Variants in ARHGAP24 observed in about 807,000 individuals in gnomAD.
ARHGAP24 encodes Rho GTPase activating protein 24, also known as rho GTPase-activating protein 24.
A neutral mutation model predicts 76.4 loss-of-function variants in ARHGAP24; 50 were observed. That is an observed-to-expected ratio of 0.65 (90% CI 0.52 to 0.83). ARHGAP24 has a LOEUF of 0.83. Among genes scored for constraint, ARHGAP24 ranks in the 40% least tolerant of loss-of-function variants. ARHGAP24 has a pLI of 0.00. For missense variants in ARHGAP24, 930 were observed against 914.2 expected, an observed-to-expected ratio of 1.02 and a Z score of -0.22; for synonymous variants, 345 against 323.3, an observed-to-expected ratio of 1.07 and a Z score of -0.72.
chr4:85,487,515 C>G (rs866118347), intron 1 of ARHGAP24, among the ~76,000 whole-genome samples: 1 of 100,722 alleles, frequency 9.9e-6, no homozygotes, highest in South Asian at 3.1e-4. Flanking sequence ...ATTATATAAA[C>G]ATATATTTAT....
chr4:85,974,647 A>C (rs537542236), intron 6 of ARHGAP24, among the ~76,000 whole-genome samples: 1 of 152,338 alleles, frequency 6.6e-6, no homozygotes, highest in South Asian at 2.1e-4. Context: ...TAAAAATGAT[A>C]ACAGCTTCAC....
At chr4:85,917,090 G>A (rs916722286) in intron 3 of ARHGAP24, among the ~76,000 whole-genome samples, 2 of 151,818 alleles carry the variant, frequency 1.3e-5, no homozygotes, top group Non-Finnish European at 2.9e-5. Flanking sequence ...AGTCCCCAAA[G>A]TGTGATGTTC....
In ARHGAP24 at chr4:85,733,060, C is replaced by CTTTTTTTTTTTTTTT. The variant is rs1210109366; in HGVS notation, c.268+11095_268+11109dup. 3.7e-3 allele frequency among the ~76,000 whole-genome samples: 205 copies of CTTTTTTTTTTTTTTT among 55,214 alleles called. 67 individuals are homozygous for CTTTTTTTTTTTTTTT. The highest frequency in any genetic ancestry group is 7.3e-3 in the African/African-American group (114 of 15,670). The allele number at this position is 55,214 out of a possible 152,430, so 36.2% of individuals were successfully genotyped here. A position where few individuals can be genotyped will look rare whatever the true frequency, so the allele number is the denominator to read the frequency against. ...CTATAGATCTTATAGGCCTCACCAACTTTTTTTTTTTTTTTTTTTTTGAGA... is the reference window on the plus strand; with the variant it reads ...CTATAGATCTTATAGGCCTCACCAACTTTTTTTTTTTTTTTTTTTTTTTTTTTTTTTTTTTTGAGA... On this transcript the variant is annotated intron_variant, in intron 3 of 9. Coordinates refer to ENST00000395184, the MANE Select transcript of ARHGAP24 (RefSeq NM_001025616.3).
intron 2 of ARHGAP24, among the ~76,000 whole-genome samples, chr4:85,666,998 G>A (rs1037580975): frequency 9.9e-5 from 15 of 152,260 alleles, no homozygotes; most frequent in South Asian, 2.1e-4. Flanking sequence ...CTCCAGCTGC[G>A]TGCTGGGAGA....
intron 5 of ARHGAP24, among the ~76,000 whole-genome samples, chr4:85,946,915 C>T (rs2148828821): frequency 6.6e-6 from 1 of 152,300 alleles, no homozygotes; most frequent in South Asian, 2.1e-4. Flanking sequence ...AAATTGCTCT[C>T]CACAGTGGCT....
At chr4:85,727,622 A>C (rs1359274204) in intron 3 of ARHGAP24, among the ~76,000 whole-genome samples, 1 of 152,140 alleles carries the variant, frequency 6.6e-6, no homozygotes, top group Admixed American at 6.6e-5. Context: ...TTCATTACCG[A>C]GTATACATTG....
At chr4:85,849,307 G>C (rs999934986) in intron 3 of ARHGAP24, among the ~76,000 whole-genome samples, 6 of 151,274 alleles carry the variant, frequency 4.0e-5, no homozygotes, top group African/African-American at 1.2e-4. Flanking sequence ...TGTATCCTGA[G>C]ACTTTGCTGA....
intron 3 of ARHGAP24, among the ~76,000 whole-genome samples, chr4:85,758,639 G>T (rs760499001): frequency 6.6e-6 from 1 of 152,208 alleles, no homozygotes; most frequent in African/African-American, 2.4e-5. Flanking sequence ...ACATGGGTGC[G>T]TTGGAGGAAG....
At chr4:85,522,836 G>A (rs1487164018) in intron 1 of ARHGAP24, among the ~76,000 whole-genome samples, 1 of 152,134 alleles carries the variant, frequency 6.6e-6, no homozygotes, top group Non-Finnish European at 1.5e-5. Flanking sequence ...TGAACTATAC[G>A]ATAACATGAT....
intron 3 of ARHGAP24, among the ~76,000 whole-genome samples, chr4:85,760,375 G>A (rs188904780): frequency 4.3e-4 from 66 of 152,024 alleles, no homozygotes; most frequent in African/African-American, 1.5e-3. Context: ...CATGAGTTTT[G>A]GTTTTTTGCT....
At chr4:85,697,838 G>C (rs1723926726) in intron 2 of ARHGAP24, among the ~76,000 whole-genome samples, 2 of 152,272 alleles carry the variant, frequency 1.3e-5, no homozygotes, top group Admixed American at 1.3e-4. Flanking sequence ...AGGGAAGCCT[G>C]CCTTGACCAG....
At chr4:85,533,125 G>A (rs1215316149) in intron 1 of ARHGAP24, among the ~76,000 whole-genome samples, 1 of 152,162 alleles carries the variant, frequency 6.6e-6, no homozygotes, top group Admixed American at 6.6e-5. Context: ...GGAATATTTG[G>A]TGGAGAGTTT....
chr4:85,868,188 T>C (rs1014527309), intron 3 of ARHGAP24, among the ~76,000 whole-genome samples: 1 of 152,148 alleles, frequency 6.6e-6, no homozygotes. Flanking sequence ...ATAGATTTTC[T>C]GATTGGCAGT....
At chr4:85,803,962 T>C (rs1728684777) in intron 3 of ARHGAP24, among the ~76,000 whole-genome samples, 1 of 151,718 alleles carries the variant, frequency 6.6e-6, no homozygotes. Context: ...TTCTTTTTTT[T>C]TTTCCTCGAG....
chr4:85,630,748 A>T (rs1183884448), intron 2 of ARHGAP24, among the ~76,000 whole-genome samples: 1 of 152,036 alleles, frequency 6.6e-6, no homozygotes, highest in East Asian at 1.9e-4. Flanking sequence ...TTAAATAATA[A>T]TTTAAAGAAT....
intron 3 of ARHGAP24, among the ~76,000 whole-genome samples, chr4:85,832,003 A>C (rs1185614105): frequency 6.6e-6 from 1 of 152,064 alleles, no homozygotes; most frequent in Non-Finnish European, 1.5e-5. Context: ...TTGTGGGGCC[A>C]ATAGATTAGG....
At chr4:85,903,973 A>C (rs560280408) in intron 3 of ARHGAP24, among the ~76,000 whole-genome samples, 1 of 152,296 alleles carries the variant, frequency 6.6e-6, no homozygotes, top group African/African-American at 2.4e-5. Context: ...CAGAGGGGGA[A>C]ATTAAAAAAA....
chr4:85,948,261 T>C (rs1737404157), intron 5 of ARHGAP24, among the ~76,000 whole-genome samples: 1 of 152,098 alleles, frequency 6.6e-6, no homozygotes, highest in African/African-American at 2.4e-5. Context: ...AGTACCAAAA[T>C]TAGCAAGAAA....
intron 3 of ARHGAP24, among the ~76,000 whole-genome samples, chr4:85,844,768 T>C (rs1041486917): frequency 7.9e-5 from 12 of 152,210 alleles, no homozygotes; most frequent in African/African-American, 2.9e-4. Flanking sequence ...CTGTATCTCA[T>C]AATTCTGTTG....
Sources: allele counts gnomAD v4.1 joint callset (sites outside exome capture counted in the v4.1 genomes callset), GRCh38; gene constraint gnomAD v4.1.1; transcripts MANE v1.5; gene names NCBI Gene and HGNC (gene_info 2026-07-23, HGNC 2026-07-21).